The following SGCZ variants were observed in gnomAD, a reference collection of about 807,000 sequenced individuals.
SGCZ encodes sarcoglycan zeta, also known as zeta-sarcoglycan.
A neutral mutation model predicts 41.3 loss-of-function variants in SGCZ; 40 were observed. That is an observed-to-expected ratio of 0.97 (90% CI 0.75 to 1.26). The LOEUF is 1.26. Ranked by LOEUF, SGCZ falls within the 50% of genes most tolerant of loss-of-function variation. The pLI is 0.00. For missense variants in SGCZ, 552 were observed against 369.8 expected (o/e 1.49, Z -4.04); for synonymous variants, 206 against 137.5 (o/e 1.50, Z -3.49).
At chr8:14,513,337 C>A (rs1802519516) in intron 2 of SGCZ, among the ~76,000 whole-genome samples, 1 of 152,050 alleles carries the variant, frequency 6.6e-6, no homozygotes, top group Admixed American at 6.6e-5. Context: ...AGTGCCAAAC[C>A]ACTATTACCA....
chr8:15,137,806 C>T (rs575888757), intron 1 of SGCZ, among the ~76,000 whole-genome samples: 1 of 152,336 alleles, frequency 6.6e-6, no homozygotes, highest in African/African-American at 2.4e-5. Context: ...CATGGAGAAC[C>T]TCTGCTAGGA....
At chr8:14,467,890 G>T (rs1801098330) in intron 2 of SGCZ, among the ~76,000 whole-genome samples, 2 of 151,990 alleles carry the variant, frequency 1.3e-5, no homozygotes, top group African/African-American at 4.8e-5. Context: ...CTGCACACAT[G>T]CTAAAGATTA....
At position 14,090,019 on chromosome 8, in the gene SGCZ, C is replaced by G. The variant is rs1220372030; in HGVS notation, c.*424G>C. The G allele has an allele frequency of 6.5e-6, 1 of 153,596 alleles. No homozygotes were observed. Among genetic ancestry groups the G allele is most frequent in the Non-Finnish European group, 1.5e-5 (1 of 68,816 alleles). The allele number at this position is 153,596 out of a possible 1,614,324, so 9.5% of individuals were successfully genotyped here. ...CCAAAAAGATGAATGGAAAATTGTG[C>G]TTTCAGAATGTAGAATAAGTTTTCT... is the stretch of plus-strand genomic sequence containing the variant. On this transcript the variant is annotated 3_prime_UTR_variant, in exon 8 of 8. Transcript: ENST00000382080.
chr8:14,586,190 T>C (rs1342279605), intron 1 of SGCZ, among the ~76,000 whole-genome samples: 1 of 152,110 alleles, frequency 6.6e-6, no homozygotes, highest in Non-Finnish European at 1.5e-5. Flanking sequence ...GCTGCATATA[T>C]AAAATACTTT....
At chr8:14,951,011 G>C (rs544430944) in intron 1 of SGCZ, among the ~76,000 whole-genome samples, 1 of 152,026 alleles carries the variant, frequency 6.6e-6, no homozygotes, top group Non-Finnish European at 1.5e-5. Flanking sequence ...ATAGATAAAT[G>C]AGTAGTGCTT....
intron 1 of SGCZ, among the ~76,000 whole-genome samples, chr8:14,740,336 C>T (rs896300750): frequency 6.6e-6 from 1 of 152,016 alleles, no homozygotes. Flanking sequence ...CTGTGCTACA[C>T]CAGGACGGGT....
At chr8:14,523,379 A>G (rs1024781525) in intron 2 of SGCZ, among the ~76,000 whole-genome samples, 4 of 151,956 alleles carry the variant, frequency 2.6e-5, no homozygotes, top group Admixed American at 2.0e-4. Context: ...TTTGTCCTCC[A>G]TCTGATAATG....
intron 3 of SGCZ, among the ~76,000 whole-genome samples, chr8:14,269,967 A>T (rs892576402): frequency 2.7e-4 from 41 of 152,312 alleles, no homozygotes; most frequent in African/African-American, 9.1e-4. Context: ...ATAAGGTAAA[A>T]TAAGGATTGG....
In SGCZ at chr8:14,137,047, C is replaced by G. The variant is rs757077857; in HGVS notation, c.547+27533G>C. ...AAGGCAAACAGGGACTGGGGTGGACCTCCACTAAACTCCAACAGACCTGCA... is the reference window on the plus strand; with the variant it reads ...AAGGCAAACAGGGACTGGGGTGGACGTCCACTAAACTCCAACAGACCTGCA... On this transcript the variant is annotated intron_variant, in intron 5 of 7. Coordinates refer to ENST00000382080, the MANE Select transcript of SGCZ (RefSeq NM_139167.4). Among the ~76,000 whole-genome samples the G allele has an allele frequency of 1.2e-4, 18 of 152,172 alleles. 1 individual carries two copies. The highest frequency in any genetic ancestry group is 8.8e-5 in the Non-Finnish European group (6 of 68,036).
chr8:14,400,760 A>AT (rs11375684), intron 2 of SGCZ, among the ~76,000 whole-genome samples: 48,985 of 151,264 alleles, frequency 0.32, 8,139 homozygotes, highest in African/African-American at 0.4. Context: ...AATCAATAGT[A>AT]TTTTTTTTTA....
At chr8:14,160,039 C>T (rs962657020) in intron 5 of SGCZ, among the ~76,000 whole-genome samples, 1 of 152,104 alleles carries the variant, frequency 6.6e-6, no homozygotes, top group Non-Finnish European at 1.5e-5. Flanking sequence ...CAAACAAACG[C>T]TAGGGCACTG....
intron 2 of SGCZ, among the ~76,000 whole-genome samples, chr8:14,350,806 C>T (rs960620922): frequency 2.6e-5 from 4 of 152,106 alleles, no homozygotes; most frequent in Non-Finnish European, 4.4e-5. Flanking sequence ...TTCTAGTAAT[C>T]GTAATCTAAG....
intron 1 of SGCZ, among the ~76,000 whole-genome samples, chr8:14,641,648 C>A (rs999110659): frequency 6.6e-6 from 1 of 151,638 alleles, no homozygotes; most frequent in East Asian, 1.9e-4. Flanking sequence ...AAAACACAAT[C>A]TTTCTCATTT....
At chr8:14,537,207 C>A (rs1803322948) in intron 2 of SGCZ, among the ~76,000 whole-genome samples, 1 of 151,894 alleles carries the variant, frequency 6.6e-6, no homozygotes, top group African/African-American at 2.4e-5. Context: ...AGTCTACTGA[C>A]TCTCATTATA....
At chr8:14,825,287 T>C (rs546472538) in intron 1 of SGCZ, among the ~76,000 whole-genome samples, 33 of 152,342 alleles carry the variant, frequency 2.2e-4, no homozygotes, top group African/African-American at 7.7e-4. Flanking sequence ...CCTGTTCCTA[T>C]GTGTATCGTC....
rs77368494 is a variant in SGCZ at position 15,001,503 on chromosome 8, G to C, written c.39+236082C>G. 6.8e-3 allele frequency among the ~76,000 whole-genome samples: 1,034 copies of C among 152,250 alleles called. 62 individuals are homozygous for C. In the East Asian group the frequency reaches 0.15, roughly 22 times the overall value. On this transcript the variant is annotated intron_variant, in intron 1 of 7. Transcript: ENST00000382080. The stretch of plus-strand genomic sequence containing the variant: ...CCAGCACTTTGGGAGGCCAAGGCGG[G>C]CGGATCACGAGGTCAGGAGATCGAG...
In SGCZ at chr8:14,164,706, T is replaced by C; in HGVS notation, c.425-4A>G. On this transcript the variant is annotated splice_region_variant and splice_polypyrimidine_tract_variant and intron_variant, in intron 4 of 7. Coordinates refer to ENST00000382080, the MANE Select transcript of SGCZ (RefSeq NM_139167.4). The stretch of plus-strand genomic sequence containing the variant: ...TGAGCTTCCACAGCATCAGCTCCTA[T>C]GGTCAGAGGAAAGGTTTAAAAATGA... 6.2e-6 allele frequency: 10 copies of C among 1,612,838 alleles called. No individual in the cohort carries two copies. Among genetic ancestry groups the C allele is most frequent in the African/African-American group, 1.3e-5 (1 of 74,982 alleles).
At chr8:14,295,157 G>T (rs1800967242) in intron 3 of SGCZ, among the ~76,000 whole-genome samples, 1 of 152,082 alleles carries the variant, frequency 6.6e-6, no homozygotes, top group Non-Finnish European at 1.5e-5. Flanking sequence ...GGCTTTATTT[G>T]TAATAGCCAA....
At chr8:14,763,974 G>A (rs888018701) in intron 1 of SGCZ, among the ~76,000 whole-genome samples, 2 of 152,130 alleles carry the variant, frequency 1.3e-5, no homozygotes, top group African/African-American at 2.4e-5. Context: ...GGGTACACCT[G>A]GTGTTCAGAT....
Sources: gnomAD v4.1 joint callset for allele counts (sites outside exome capture counted in the v4.1 genomes callset) on GRCh38, gnomAD v4.1.1 for gene constraint, MANE v1.5 for transcripts, NCBI Gene and HGNC (gene_info 2026-07-23, HGNC 2026-07-21) for gene names.